The following MCM6 variants were observed in gnomAD, a reference collection of about 807,000 sequenced individuals.
MCM6 encodes the protein DNA replication licensing factor MCM6.
MCM6 carries 46 observed loss-of-function variants against 94.3 expected under a neutral mutation model. The ratio of observed to expected loss-of-function variants is 0.49; its 90% CI spans 0.39 to 0.62. The LOEUF (loss-of-function observed/expected upper bound fraction) is 0.62, where lower values mean the gene tolerates loss of function less well. Among genes scored for constraint, MCM6 ranks in the 20% least tolerant of loss-of-function variants. The pLI, the probability that MCM6 is intolerant of heterozygous loss-of-function variation, is 0.00. For missense variants in MCM6, 865 were observed against 1,017.9 expected (o/e 0.85, Z 2.04); for synonymous variants, 335 against 351.9 (o/e 0.95, Z 0.54).
At chr2:135,841,008 A>C in intron 16 of MCM6, 57 bp from the exon 17 acceptor site, 13 of 1,244,948 alleles carry the variant, frequency 1.0e-5, no homozygotes, top group Non-Finnish European at 1.4e-5. Flanking sequence ...CAATGTCCAG[A>C]TATACAAGAC....
rs1443928567 is a variant in MCM6, at chr2:135,866,591, C to T, written c.753G>A (p.Val251=). 1 of 1,613,242 alleles carries T rather than the reference C, an allele frequency of 6.2e-7. No homozygotes were observed. The highest frequency in any genetic ancestry group is 1.3e-5 in the African/African-American group (1 of 74,902). Residue 251 remains valine, a synonymous_variant, in exon 5 of 17, where the codon GTG becomes GTA. Coordinates refer to ENST00000264156, the MANE Select transcript of MCM6 (RefSeq NM_005915.6). The stretch of plus-strand genomic sequence containing the variant: ...GTGTGCTAAGCTTGGAGACGTCAGG[C>T]ACAACAATCAGTGTCCCTGTAAAGT... The part of the protein sequence containing the change: ...KCDFTGTLIV[V]PDVSKLSTPG...
Position 135,866,577 on chromosome 2 carries a change from T to C in MCM6, c.767A>G (p.Lys256Arg). 2.5e-6 allele frequency: 4 copies of C among 1,612,726 alleles called. No individual in the cohort carries two copies. The highest frequency in any genetic ancestry group is 3.4e-6 in the Non-Finnish European group (4 of 1,179,526). The change falls in exon 5 of 17, where the codon AAG (lysine) becomes AGG (arginine). Residue 256 changes from lysine to arginine, a missense_variant. Transcript: ENST00000264156. ...AGATTACTGACCTGGTGTGCTAAGC[T>C]TGGAGACGTCAGGCACAACAATCAG... ...GTLIVVPDVS[K>R]LSTPGARAET...
At chr2:135,856,159 G>A (rs1318211183) in intron 11 of MCM6, among the ~76,000 whole-genome samples, 1 of 151,818 alleles carries the variant, frequency 6.6e-6, no homozygotes, top group Non-Finnish European at 1.5e-5. Context: ...GTGTGGTTGG[G>A]GCCAGGTACA....
At chr2:135,874,130 T>C (rs1372300410) in intron 1 of MCM6, among the ~76,000 whole-genome samples, 1 of 152,260 alleles carries the variant, frequency 6.6e-6, no homozygotes, top group Non-Finnish European at 1.5e-5. Context: ...CAGAGATTAT[T>C]TGTCTCATCA....
chr2:135,841,585 G>C (rs1462672516), intron 16 of MCM6, among the ~76,000 whole-genome samples: 1 of 152,190 alleles, frequency 6.6e-6, no homozygotes, highest in East Asian at 1.9e-4. Flanking sequence ...TTGATCCTAA[G>C]AAGTCTGGCA....
Position 135,851,558 on chromosome 2 carries a change from G to A in MCM6, c.1761C>T (p.Ser587=). 6.3e-7 allele frequency: 1 copy of A among 1,595,914 alleles called. No individual in the cohort carries two copies. The highest frequency in any genetic ancestry group is 8.5e-7 in the Non-Finnish European group (1 of 1,170,282). The part of the protein sequence containing the change: ...LFARQFKPKI[S]KESEDFIVEQ... The stretch of plus-strand genomic sequence containing the variant: ...CCACAATGAAGTCCTCTGACTCTTT[G>A]GAAATCTGTTTCAGATCATCACTCA... The change falls in exon 13 of 17, where the codon TCC becomes TCT. Residue 587 remains serine, a synonymous_variant. Transcript: ENST00000264156.
intron 1 of MCM6, among the ~76,000 whole-genome samples, chr2:135,873,846 C>T (rs1264826276): frequency 6.6e-6 from 1 of 152,128 alleles, no homozygotes. Context: ...AAAAAAACAA[C>T]TACAAGTTAT....
At chr2:135,873,127 C>T (rs1435643308) in intron 1 of MCM6, among the ~76,000 whole-genome samples, 4 of 152,132 alleles carry the variant, frequency 2.6e-5, no homozygotes, top group Non-Finnish European at 4.4e-5. Context: ...GTAAGTCTCA[C>T]GAGATCTGAT....
Position 135,845,488 on chromosome 2 carries a change from C to G in MCM6, c.2209+749G>C, listed in dbSNP as rs562957910. Reference sequence around the variant, plus strand: ...GGCCACTTTGTTGCCTTCTCTCCTACTGGTCTAAAGTTCCCAGGGGAACAA... The same window carrying G: ...GGCCACTTTGTTGCCTTCTCTCCTAGTGGTCTAAAGTTCCCAGGGGAACAA... On this transcript the variant is annotated intron_variant, in intron 15 of 16. Coordinates refer to ENST00000264156, the MANE Select transcript of MCM6 (RefSeq NM_005915.6). 2.6e-5 allele frequency among the ~76,000 whole-genome samples: 4 copies of G among 152,336 alleles called. No homozygotes were observed. The East Asian group carries it at 7.7e-4, about 29-fold the overall frequency.
At chr2:135,860,867 T>C (rs1468522098) in intron 8 of MCM6, among the ~76,000 whole-genome samples, 1 of 152,180 alleles carries the variant, frequency 6.6e-6, no homozygotes, top group Non-Finnish European at 1.5e-5. Flanking sequence ...ATTATACTGA[T>C]GGCTCTAATC....
At chr2:135,875,269 CAGG>C (rs1680273919) in intron 1 of MCM6, among the ~76,000 whole-genome samples, 1 of 151,856 alleles carries the variant, frequency 6.6e-6, no homozygotes, top group Admixed American at 6.6e-5. Context: ...GAGGCTGAGG[CAGG>C]AGAATAGCTT....
rs867837351 is a variant in MCM6, at chr2:135,855,849, A to G, written c.1626+879T>C. 2.0e-5 allele frequency among the ~76,000 whole-genome samples: 3 copies of G among 152,350 alleles called. No individual in the cohort carries two copies. The South Asian group carries it at 6.2e-4, about 32-fold the overall frequency. ...ATTAGTTCCTACAAACTGTCATTTT[A>G]TAGTTCTGTGGGCATCTGAAGTGCA... On this transcript the variant is annotated intron_variant, in intron 11 of 16. Coordinates refer to ENST00000264156, the MANE Select transcript of MCM6 (RefSeq NM_005915.6).
Position 135,872,809 on chromosome 2 carries a change from G to T in MCM6, c.142C>A (p.Gln48Lys), listed in dbSNP as rs141075051. The T allele has an allele frequency of 1.9e-6, 3 of 1,613,998 alleles. No individual in the cohort carries two copies. Among genetic ancestry groups the T allele is most frequent in the South Asian group, 2.2e-5 (2 of 91,080 alleles). The change falls in exon 2 of 17, where the codon CAA becomes AAA. Residue 48 changes from glutamine (Q) to lysine (K), a missense_variant. This residue lies in a region of MCM6 where 404 missense variants were observed against 451.9 expected (regional missense o/e 0.89). Coordinates refer to ENST00000264156, the MANE Select transcript of MCM6 (RefSeq NM_005915.6). ...GGACGAATCAGTTCCTCTGCTAATTGCAAGTATTTAATTTCTCCATCGCTG... is the reference window on the plus strand; with the variant it reads ...GGACGAATCAGTTCCTCTGCTAATTTCAAGTATTTAATTTCTCCATCGCTG... ...QSSDGEIKYL[Q>K]LAEELIRPER...
At chr2:135,847,231 T>G (rs1192052539) in intron 14 of MCM6, among the ~76,000 whole-genome samples, 1 of 152,078 alleles carries the variant, frequency 6.6e-6, no homozygotes. Flanking sequence ...CTGGGCAATA[T>G]GGCGAGATCC....
chr2:135,845,706 T>C (rs3754686), intron 15 of MCM6, among the ~76,000 whole-genome samples: 77,267 of 152,130 alleles, frequency 0.51, 23,798 homozygotes, highest in Non-Finnish European at 0.71. Context: ...TGTAGTTAAC[T>C]ATAGGGTGAT....
rs769402048 is a variant in MCM6, at chr2:135,876,260, C to T, written c.106G>A (p.Glu36Lys). ...GGCCCGGGGCGCTCGCCGACTTACT[C>T]CTCCAAGAAGTCCAGGAACAGTTTC... ...CQKLFLDFLEEFQSSDGEIKY... is the reference protein window; with the variant it reads ...CQKLFLDFLEKFQSSDGEIKY... Residue 36 changes from glutamate to lysine, a missense_variant and splice_region_variant, in exon 1 of 17, where the codon GAG (glutamate) becomes AAG (lysine). Physicochemically the swap from Glu to Lys is moderately conservative, Grantham distance 56 (BLOSUM62 1). Coordinates refer to ENST00000264156, the MANE Select transcript of MCM6 (RefSeq NM_005915.6). 6 of 1,602,212 alleles carry T rather than the reference C, an allele frequency of 3.7e-6. No homozygotes were observed. Among genetic ancestry groups the T allele is most frequent in the Admixed American group, 1.7e-5 (1 of 58,708 alleles).
chr2:135,859,320 G>C lies in MCM6; in HGVS notation c.1343C>G (p.Ala448Gly), dbSNP rs1323905195. Residue 448 changes from alanine to glycine, a missense_variant, in exon 9 of 17, where the codon GCT (alanine) becomes GGT (glycine). By Grantham distance (60) the Ala-to-Gly change is moderately conservative. Around this residue, in one of 3 missense-constraint regions of MCM6, gnomAD observed 153 missense variants for 241.5 expected, o/e 0.63. Coordinates refer to ENST00000264156, the MANE Select transcript of MCM6 (RefSeq NM_005915.6). ...ESHEFVIEAG[A>G]LMLADNGVCC... ...TCTTACATTATCAGCCAACATCAAAGCTCCAGCCTCAATGACAAACTCATG... is the reference window on the plus strand; with the variant it reads ...TCTTACATTATCAGCCAACATCAAACCTCCAGCCTCAATGACAAACTCATG... 1 of 1,613,632 alleles carries C rather than the reference G, an allele frequency of 6.2e-7. No homozygotes were observed. The highest frequency in any genetic ancestry group is 1.1e-5 in the South Asian group (1 of 91,018).
At chr2:135,865,578 TC>T (rs1680079106) in intron 6 of MCM6, among the ~76,000 whole-genome samples, 1 of 149,880 alleles carries the variant, frequency 6.7e-6, no homozygotes, top group East Asian at 1.9e-4. Flanking sequence ...GAAGTTTACT[TC>T]CCAGATTACT....
In MCM6 at chr2:135,865,021, G is replaced by A. The variant is rs144937311; in HGVS notation, c.1070C>T (p.Thr357Ile). The change falls in exon 7 of 17, where the codon ACT becomes ATT. Residue 357 changes from threonine to isoleucine, a missense_variant. This residue lies in a region of MCM6 where 404 missense variants were observed against 451.9 expected (regional missense o/e 0.89). Coordinates refer to ENST00000264156, the MANE Select transcript of MCM6 (RefSeq NM_005915.6). ...ATGGATGGAATTCTTACCATGTATA[G>A]TAGGGAACAGGCTGGTACAAAGATT... ...YHNLCTSLFPTIHGNDEVKRG... is the reference protein window; with the variant it reads ...YHNLCTSLFPIIHGNDEVKRG... 577 of 1,456,164 alleles carry A rather than the reference G, an allele frequency of 4.0e-4. 2 individuals carry two copies. The African/African-American group carries it at 7.7e-3, about 19-fold the overall frequency. 90.2% of individuals were successfully genotyped at this position (1,456,164 alleles called of 1,614,324 possible). A position where few individuals can be genotyped will look rare whatever the true frequency, so the allele number is the denominator to read the frequency against.
Sources: allele counts gnomAD v4.1 joint callset (sites outside exome capture counted in the v4.1 genomes callset), GRCh38; gene constraint gnomAD v4.1.1; regional missense constraint gnomAD v4.1.1; transcripts MANE v1.5; gene names NCBI Gene and HGNC (gene_info 2026-07-23, HGNC 2026-07-21).